GALNT5: variants seen among roughly 807,000 people sequenced by gnomAD.
GALNT5 encodes the protein polypeptide N-acetylgalactosaminyltransferase 5, also known as UDP-GalNAc:polypeptide N-acetylgalactosaminyltransferase 5.
Under a neutral mutation model 85.4 loss-of-function variants are expected in GALNT5, and 72 were observed. The observed-to-expected ratio is 0.84, with a 90% CI of 0.70 to 1.03. The LOEUF (loss-of-function observed/expected upper bound fraction) is 1.03, where lower values mean the gene tolerates loss of function less well. GALNT5 is among the 50% of genes least tolerant of loss of function. The pLI is 0.00. For synonymous variants in GALNT5, 404 were observed against 397.0 expected (o/e 1.02, Z -0.21); for missense variants, 1,137 against 1,135.5 (o/e 1.00, Z -0.02).
intron 7 of GALNT5, among the ~76,000 whole-genome samples, chr2:157,304,302 C>A (rs1456085938): frequency 6.6e-6 from 1 of 152,184 alleles, no homozygotes; most frequent in Admixed American, 6.5e-5. Flanking sequence ...GCTAATAGAG[C>A]TTTCTCTGAG....
At position 157,296,505 on chromosome 2, in the gene GALNT5, T is replaced by A. The variant is rs1683217926; in HGVS notation, c.1989T>A (p.Asp663Glu). The A allele has an allele frequency of 1.2e-6, 2 of 1,608,716 alleles. No individual in the cohort carries two copies. The highest frequency in any genetic ancestry group is 1.3e-5 in the African/African-American group (1 of 74,802). The change falls in exon 5 of 10, where the codon GAT becomes GAA. Residue 663 changes from aspartate (D) to glutamate (E), a missense_variant. Transcript: ENST00000259056. The stretch of plus-strand genomic sequence containing the variant: ...CAAAAAACAGAATTAAAGAAACTGA[T>A]ACAATAAGGTAAGTGTGGGAAATTT... ...VIAKNRIKET[D>E]TIRCPVMAGG...
chr2:157,290,087 G>T (rs1478945024), intron 3 of GALNT5, among the ~76,000 whole-genome samples: 3 of 131,658 alleles, frequency 2.3e-5, no homozygotes, highest in East Asian at 2.2e-4. Context: ...AAAAAAAAAT[G>T]TATATATATA....
Position 157,259,269 on chromosome 2 carries a change from TA to T in GALNT5, c.1189del (p.Thr397LeufsTer14), listed in dbSNP as rs1428722938. ...GGGCTAGAGCCAGCAAAAATCAACATAACTGCCAAAGCCCCCTCTACAGAAT... is the reference window on the plus strand; with the variant it reads ...GGGCTAGAGCCAGCAAAAATCAACATACTGCCAAAGCCCCCTCTACAGAAT... ...TGGLEPAKIN[I>X]TAKAPSTEYN... On this transcript the variant is annotated frameshift_variant, in exon 1 of 10. Coordinates refer to ENST00000259056, the MANE Select transcript of GALNT5 (RefSeq NM_014568.3). LOFTEE classifies it high-confidence loss of function. 2.5e-6 allele frequency: 4 copies of T among 1,611,442 alleles called. No individual in the cohort carries two copies. Among genetic ancestry groups the T allele is most frequent in the Non-Finnish European group, 3.4e-6 (4 of 1,178,918 alleles).
intron 3 of GALNT5, among the ~76,000 whole-genome samples, chr2:157,292,304 C>T (rs1172945512): frequency 1.3e-5 from 2 of 152,178 alleles, no homozygotes; most frequent in Non-Finnish European, 2.9e-5. Context: ...AATCAGAAAT[C>T]CCACCAAGAG....
Position 157,257,964 on chromosome 2 carries a change from G to C in GALNT5, c.-119G>C. The C allele has an allele frequency of 1.0e-6, 1 of 997,148 alleles. No individual in the cohort carries two copies. Among genetic ancestry groups the C allele is most frequent in the Non-Finnish European group, 1.5e-6 (1 of 645,808 alleles). 61.8% of individuals were successfully genotyped at this position (997,148 alleles called of 1,614,324 possible). A position where few individuals can be genotyped will look rare whatever the true frequency, so the allele number is the denominator to read the frequency against. On this transcript the variant is annotated 5_prime_UTR_variant, in exon 1 of 10. Coordinates refer to ENST00000259056, the MANE Select transcript of GALNT5 (RefSeq NM_014568.3). ...CTGCTGCTTCCTGCTGTGTTCAGGG[G>C]AGGGGGTCACTTTCTGGCAACTCTG...
In GALNT5 at chr2:157,257,836, T is replaced by C. The variant is rs142617914; in HGVS notation, c.-247T>C. 7.8e-4 allele frequency: 411 copies of C among 529,526 alleles called. 1 individual carries two copies. The highest frequency in any genetic ancestry group is 6.9e-3 in the African/African-American group (364 of 52,620). The allele number at this position is 529,526 out of a possible 1,614,324, so 32.8% of individuals were successfully genotyped here. On this transcript the variant is annotated 5_prime_UTR_variant, in exon 1 of 10. Transcript: ENST00000259056. ...TGGAGTGACCTAAGGCCAGTGTTTA[T>C]CAGAACTTAGCCAGGGCCAGCCAAG...
rs1683641837 is a variant in GALNT5 at position 157,314,072 on chromosome 2, C to A, written c.*2724C>A. On this transcript the variant is annotated 3_prime_UTR_variant, in exon 10 of 10. Coordinates refer to ENST00000259056, the MANE Select transcript of GALNT5 (RefSeq NM_014568.3). Reference sequence around the variant, plus strand: ...GGAGATTAGAATAAAGGTATACATGCTACTCGGTCTTCTGGTAATTCTAGT... The same window carrying A: ...GGAGATTAGAATAAAGGTATACATGATACTCGGTCTTCTGGTAATTCTAGT... 6.6e-6 allele frequency: 1 copy of A among 152,068 alleles called. No individual in the cohort carries two copies. The highest frequency in any genetic ancestry group is 6.5e-5 in the Admixed American group (1 of 15,274). 9.4% of individuals were successfully genotyped at this position (152,068 alleles called of 1,614,324 possible). A position where few individuals can be genotyped will look rare whatever the true frequency, so the allele number is the denominator to read the frequency against.
chr2:157,258,532 A>C lies in GALNT5; in HGVS notation c.450A>C (p.Lys150Asn). Residue 150 changes from lysine to asparagine, a missense_variant, in exon 1 of 10, where the codon AAA (lysine) becomes AAC (asparagine). Physicochemically the swap from Lys to Asn is moderately conservative, Grantham distance 94. Coordinates refer to ENST00000259056, the MANE Select transcript of GALNT5 (RefSeq NM_014568.3). ...NKQKTDGRGTKPEASSHQGTP... is the reference protein window; with the variant it reads ...NKQKTDGRGTNPEASSHQGTP... ...AGAAGACAGACGGGAGAGGCACCAA[A>C]CCTGAAGCCTCCTCTCACCAGGGGA... 6.2e-7 allele frequency: 1 copy of C among 1,612,628 alleles called. No homozygotes were observed. Among genetic ancestry groups the C allele is most frequent in the East Asian group, 2.2e-5 (1 of 44,712 alleles).
chr2:157,279,469 G>A (rs973099359), intron 1 of GALNT5, among the ~76,000 whole-genome samples: 3 of 152,240 alleles, frequency 2.0e-5, no homozygotes, highest in South Asian at 2.1e-4. Context: ...GCTGAGCTGC[G>A]GTGGGCTCCA....
In GALNT5 at chr2:157,311,298, C is replaced by A; in HGVS notation, c.2773C>A (p.Pro925Thr). Residue 925 changes from proline to threonine, a missense_variant, in exon 10 of 10, where the codon CCA (proline) becomes ACA (threonine). Coordinates refer to ENST00000259056, the MANE Select transcript of GALNT5 (RefSeq NM_014568.3). ...GATCCTGAAAGTAGCTGCCTGTGAC[C>A]CAGTGAAGCCATATCAAAAGTGGAA... The part of the protein sequence containing the change: ...QKILKVAACD[P>T]VKPYQKWKFE... 5 of 1,609,624 alleles carry A rather than the reference C, an allele frequency of 3.1e-6. No individual in the cohort carries two copies. The highest frequency in any genetic ancestry group is 2.2e-5 in the East Asian group (1 of 44,750).
chr2:157,284,736 A>T (rs1682935486), intron 2 of GALNT5, among the ~76,000 whole-genome samples: 1 of 152,232 alleles, frequency 6.6e-6, no homozygotes, highest in Non-Finnish European at 1.5e-5. Flanking sequence ...TGGAGTTTAG[A>T]TGTCCTCTAC....
chr2:157,300,931 A>T lies in GALNT5; in HGVS notation c.2371A>T (p.Ser791Cys). 1 of 1,614,130 alleles carries T rather than the reference A, an allele frequency of 6.2e-7. No homozygotes were observed. Among genetic ancestry groups the T allele is most frequent in the Non-Finnish European group, 8.5e-7 (1 of 1,179,988 alleles). The change falls in exon 7 of 10, where the codon AGT becomes TGT. Residue 791 changes from serine (S) to cysteine (C), a missense_variant. Physicochemically the swap from Ser to Cys is moderately radical, Grantham distance 112. Transcript: ENST00000259056. ...GCTGCGAAAGAAACTGAAGTGCAAAAGTTTCAAATGGTACTTGGAGAATGT... is the reference window on the plus strand; with the variant it reads ...GCTGCGAAAGAAACTGAAGTGCAAATGTTTCAAATGGTACTTGGAGAATGT... ...RELRKKLKCK[S>C]FKWYLENVFP...
chr2:157,285,712 A>AT (rs1682956198), intron 2 of GALNT5, among the ~76,000 whole-genome samples: 1 of 152,172 alleles, frequency 6.6e-6, no homozygotes, highest in Non-Finnish European at 1.5e-5. Context: ...AGCTACATAT[A>AT]TTTTAAGGCA....
chr2:157,266,573 ATGTG>A (rs1023273989), intron 1 of GALNT5, among the ~76,000 whole-genome samples: 2 of 152,096 alleles, frequency 1.3e-5, no homozygotes, highest in Non-Finnish European at 2.9e-5. Flanking sequence ...ATGTAGACTT[ATGTG>A]TGTGTGTTTG....
rs1683621392 is a variant in GALNT5 at position 157,313,448 on chromosome 2, ACT to A, written c.*2103_*2104del. On this transcript the variant is annotated 3_prime_UTR_variant, in exon 10 of 10. Transcript: ENST00000259056. ...TATTTGTGTTATTAAATGATGCATG[ACT>A]CTAATTCTTTTCAAAACAGAGCCAT... 6.6e-6 allele frequency: 1 copy of A among 151,950 alleles called. No individual in the cohort carries two copies. Among genetic ancestry groups the A allele is most frequent in the Admixed American group, 6.6e-5 (1 of 15,244 alleles). The allele number at this position is 151,950 out of a possible 1,614,324, so 9.4% of individuals were successfully genotyped here.
chr2:157,284,264 G>C lies in GALNT5; in HGVS notation c.1455-18G>C, dbSNP rs999590287. On this transcript the variant is annotated intron_variant, in intron 1 of 9. Coordinates refer to ENST00000259056, the MANE Select transcript of GALNT5 (RefSeq NM_014568.3). ...CTCCTTAGCACATCTCTTGTGCTCT[G>C]CTTATATTCTGGCCCAGATGTGCAG... 2 of 1,611,082 alleles carry C rather than the reference G, an allele frequency of 1.2e-6. No homozygotes were observed. Among genetic ancestry groups the C allele is most frequent in the Non-Finnish European group, 1.7e-6 (2 of 1,177,998 alleles).
intron 4 of GALNT5, among the ~76,000 whole-genome samples, 196 bp from the exon 5 acceptor site, chr2:157,296,198 A>G (rs1683210840): frequency 6.6e-6 from 1 of 152,228 alleles, no homozygotes; most frequent in Non-Finnish European, 1.5e-5. Flanking sequence ...GTATAAGTTA[A>G]GCACAAATAA....
chr2:157,283,288 T>G (rs1682895190), intron 1 of GALNT5, among the ~76,000 whole-genome samples: 1 of 152,222 alleles, frequency 6.6e-6, no homozygotes, highest in Non-Finnish European at 1.5e-5. Flanking sequence ...ATTATCACAT[T>G]ACTGACAGTA....
intron 1 of GALNT5, among the ~76,000 whole-genome samples, chr2:157,275,956 T>C (rs1356536075): frequency 6.6e-6 from 1 of 152,146 alleles, no homozygotes; most frequent in Non-Finnish European, 1.5e-5. Flanking sequence ...AAGCTGTGGG[T>C]TTGTCATAAA....
Sources: gnomAD v4.1 joint callset for allele counts (sites outside exome capture counted in the v4.1 genomes callset) on GRCh38, gnomAD v4.1.1 for gene constraint, MANE v1.5 for transcripts, NCBI Gene and HGNC (gene_info 2026-07-23, HGNC 2026-07-21) for gene names.